The following COL25A1 variants were observed in gnomAD, a reference collection of about 807,000 sequenced individuals.
COL25A1 encodes collagen alpha-1(XXV) chain.
In COL25A1, 103 loss-of-function variants were observed where a neutral mutation model predicts 128.4. The observed-to-expected ratio is 0.80, with a 90% CI of 0.68 to 0.94. COL25A1 has a LOEUF of 0.94. Among genes scored for constraint, COL25A1 ranks in the 40% least tolerant of loss-of-function variants. The probability of loss-of-function intolerance (pLI) is 0.00; values close to 1 mark genes in which losing one functional copy is unlikely to be tolerated. For synonymous variants in COL25A1, 279 were observed against 277.2 expected (o/e 1.01, Z -0.06); for missense variants, 745 against 840.0 (o/e 0.89, Z 1.40).
At chr4:109,264,086 C>T (rs1310982777) in intron 3 of COL25A1, among the ~76,000 whole-genome samples, 1 of 152,128 alleles carries the variant, frequency 6.6e-6, no homozygotes, top group Non-Finnish European at 1.5e-5. Context: ...ATTCGGATTT[C>T]TGTGAAAGCA....
At chr4:109,117,136 C>T (rs1422361760) in intron 3 of COL25A1, among the ~76,000 whole-genome samples, 1 of 151,734 alleles carries the variant, frequency 6.6e-6, no homozygotes, top group Non-Finnish European at 1.5e-5. Flanking sequence ...AAATGTCAGA[C>T]ACCAAACCAC....
chr4:108,993,687 C>T (rs1406282661), intron 6 of COL25A1, among the ~76,000 whole-genome samples: 8 of 151,944 alleles, frequency 5.3e-5, no homozygotes, highest in Non-Finnish European at 1.2e-4. Flanking sequence ...TCATGAAACC[C>T]CATCTCTACT....
At chr4:109,214,971 G>A (rs1383439149) in intron 3 of COL25A1, among the ~76,000 whole-genome samples, 1 of 152,118 alleles carries the variant, frequency 6.6e-6, no homozygotes, top group Non-Finnish European at 1.5e-5. Flanking sequence ...AAGCCTAAAC[G>A]TACAATCTTC....
At chr4:109,030,710 C>T (rs1333740988) in intron 5 of COL25A1, among the ~76,000 whole-genome samples, 1 of 152,124 alleles carries the variant, frequency 6.6e-6, no homozygotes, top group Admixed American at 6.5e-5. Context: ...AGGTGTACCA[C>T]AATGCAATGC....
intron 3 of COL25A1, among the ~76,000 whole-genome samples, chr4:109,091,727 A>G (rs1217480178): frequency 6.6e-6 from 1 of 150,662 alleles, no homozygotes; most frequent in East Asian, 2.0e-4. Context: ...ATAAATCTTT[A>G]GGTGGAAAAA....
intron 3 of COL25A1, among the ~76,000 whole-genome samples, chr4:109,174,337 T>C (rs1560811579): frequency 6.6e-6 from 1 of 152,252 alleles, no homozygotes; most frequent in East Asian, 1.9e-4. Context: ...CCCCATTCTG[T>C]CCTGACAGAT....
intron 37 of COL25A1, among the ~76,000 whole-genome samples, chr4:108,816,628 C>A (rs1731277583): frequency 6.6e-6 from 1 of 152,000 alleles, no homozygotes; most frequent in South Asian, 2.1e-4. Context: ...TTTCCATTGT[C>A]TCTCTCTCTC....
intron 3 of COL25A1, among the ~76,000 whole-genome samples, chr4:109,104,825 AAAT>A (rs1160780446): frequency 6.6e-6 from 1 of 152,220 alleles, no homozygotes; most frequent in Admixed American, 6.5e-5. Context: ...AATAACTGCT[AAAT>A]ATTAAAAACA....
At chr4:109,001,423 A>AGATCCTGTCAGGTAGGCATCTGGGATGCT in intron 6 of COL25A1, among the ~76,000 whole-genome samples, 1 of 150,452 alleles carries the variant, frequency 6.6e-6, no homozygotes. Context: ...TCAGGTAGGC[A>AGATCCTGTCAGGTAGGCATCTGGGATGCT]GTGAGCTAGA....
At chr4:108,908,841 C>T (rs536681907) in intron 13 of COL25A1, among the ~76,000 whole-genome samples, 1 of 152,128 alleles carries the variant, frequency 6.6e-6, no homozygotes, top group South Asian at 2.1e-4. Flanking sequence ...TTGGTTGGTT[C>T]AGAGATGATA....
intron 5 of COL25A1, among the ~76,000 whole-genome samples, chr4:109,033,041 G>C (rs994902271): frequency 1.6e-4 from 24 of 152,216 alleles, no homozygotes; most frequent in Non-Finnish European, 2.9e-5. Flanking sequence ...CCTCCATAAA[G>C]GATGGAAAGC....
chr4:108,825,655 T>C (rs1011092488), intron 33 of COL25A1, among the ~76,000 whole-genome samples: 9 of 152,192 alleles, frequency 5.9e-5, no homozygotes, highest in African/African-American at 2.2e-4. Context: ...AAATACTGTT[T>C]AGCTGATTTA....
At chr4:109,299,237 TC>T (rs1725281731) in intron 3 of COL25A1, among the ~76,000 whole-genome samples, 1 of 152,184 alleles carries the variant, frequency 6.6e-6, no homozygotes, top group Non-Finnish European at 1.5e-5. Context: ...ATTTAAATAA[TC>T]CCTACAGGCT....
At chr4:109,058,282 T>A (rs2125958511) in intron 3 of COL25A1, among the ~76,000 whole-genome samples, 1 of 152,310 alleles carries the variant, frequency 6.6e-6, no homozygotes, top group Non-Finnish European at 1.5e-5. Flanking sequence ...CAGCTTTTTT[T>A]ATTTCTACTT....
At chr4:109,137,471 T>G (rs1185788248) in intron 3 of COL25A1, among the ~76,000 whole-genome samples, 2 of 152,136 alleles carry the variant, frequency 1.3e-5, no homozygotes, top group Non-Finnish European at 2.9e-5. Context: ...CCACTTGAGA[T>G]CCACTGGACC....
At chr4:109,080,033 T>C (rs961513926) in intron 3 of COL25A1, among the ~76,000 whole-genome samples, 3 of 152,142 alleles carry the variant, frequency 2.0e-5, no homozygotes, top group Admixed American at 1.3e-4. Flanking sequence ...TGCCAACTTC[T>C]GTTTGCAAAC....
At chr4:108,825,862 A>C (rs1425275869) in intron 33 of COL25A1, among the ~76,000 whole-genome samples, 1 of 152,132 alleles carries the variant, frequency 6.6e-6, no homozygotes, top group Non-Finnish European at 1.5e-5. Flanking sequence ...ATAATCCCCA[A>C]ATTTTTTTTA....
chr4:109,201,267 T>C (rs190666962), intron 3 of COL25A1, among the ~76,000 whole-genome samples: 23 of 152,206 alleles, frequency 1.5e-4, no homozygotes, highest in Non-Finnish European at 3.1e-4. Context: ...TCAAATCCAA[T>C]AATATATTAA....
intron 3 of COL25A1, among the ~76,000 whole-genome samples, chr4:109,229,970 T>A (rs1578497659): frequency 6.6e-6 from 1 of 152,062 alleles, no homozygotes; most frequent in Non-Finnish European, 1.5e-5. Flanking sequence ...TGGTGGAAGG[T>A]GAAGCAGAAG....
Sources: allele counts gnomAD v4.1 joint callset (sites outside exome capture counted in the v4.1 genomes callset), GRCh38; gene constraint gnomAD v4.1.1; transcripts MANE v1.5; gene names NCBI Gene and HGNC (gene_info 2026-07-23, HGNC 2026-07-21).